Variants in NAV2 observed in about 807,000 individuals in gnomAD.
NAV2 encodes neuron navigator 2, also known as helicase, APC down-regulated 1.
A neutral mutation model predicts 223.2 loss-of-function variants in NAV2; 54 were observed. The observed-to-expected ratio is 0.24, with a 90% CI of 0.19 to 0.30. The LOEUF is 0.30. NAV2 is among the 10% of genes least tolerant of loss of function. NAV2 has a pLI of 1.00. For synonymous variants in NAV2, 1,279 were observed against 1,239.3 expected (o/e 1.03, Z -0.67); for missense variants, 2,806 against 3,147.5 (o/e 0.89, Z 2.60).
chr11:19,439,478 T>C (rs1005405278), intron 1 of NAV2, among the ~76,000 whole-genome samples: 8 of 151,814 alleles, frequency 5.3e-5, no homozygotes, highest in African/African-American at 1.9e-4. Context: ...ATAGGAAGAG[T>C]CATTCATTTT....
intron 3 of NAV2, among the ~76,000 whole-genome samples, chr11:19,855,777 G>C (rs2061380439): frequency 6.6e-6 from 1 of 152,094 alleles, no homozygotes; most frequent in Admixed American, 6.5e-5. Context: ...CAGAGCAAAG[G>C]GCCTTTCATG....
chr11:19,544,150 A>G (rs534356539), intron 1 of NAV2, among the ~76,000 whole-genome samples: 7 of 152,348 alleles, frequency 4.6e-5, no homozygotes, highest in African/African-American at 1.7e-4. Context: ...TGAGTGTATG[A>G]ATGAATATTT....
intron 1 of NAV2, among the ~76,000 whole-genome samples, chr11:19,392,841 C>A (rs11025114): frequency 0.044 from 6,711 of 152,276 alleles, 184 homozygotes; most frequent in South Asian, 0.13. Flanking sequence ...GCTGGGCACA[C>A]AGTTACAAGA....
intron 1 of NAV2, among the ~76,000 whole-genome samples, chr11:19,739,506 G>A (rs575575947): frequency 3.0e-4 from 46 of 152,280 alleles, no homozygotes; most frequent in Admixed American, 2.4e-3. Flanking sequence ...CCTGTTTTCA[G>A]GGTCAGTAGC....
Position 19,840,310 on chromosome 11 carries a change from CACCTG to C in NAV2, c.386-2558_386-2554del, listed in dbSNP as rs200883943. Among the ~76,000 whole-genome samples the C allele has an allele frequency of 1.3e-4, 20 of 152,252 alleles. No individual in the cohort carries two copies. In the East Asian group the frequency reaches 3.9e-3, roughly 29 times the overall value. On this transcript the variant is annotated intron_variant, in intron 2 of 37. Coordinates refer to ENST00000349880, the MANE Select transcript of NAV2 (RefSeq NM_145117.5). Reference sequence around the variant, plus strand: ...AGCCATGATATTTAAATTCAAAGAGCACCTGACTGGGTTTAGGTGACAGACCATGA... The same window carrying C: ...AGCCATGATATTTAAATTCAAAGAGCACTGGGTTTAGGTGACAGACCATGA...
intron 1 of NAV2, among the ~76,000 whole-genome samples, chr11:19,830,469 C>T (rs1292354128): frequency 1.3e-5 from 2 of 152,208 alleles, no homozygotes; most frequent in Non-Finnish European, 2.9e-5. Flanking sequence ...TTCTGCTCTT[C>T]AGTTTTCTCC....
At chr11:19,502,076 G>A (rs934268811) in intron 1 of NAV2, among the ~76,000 whole-genome samples, 1 of 152,162 alleles carries the variant, frequency 6.6e-6, no homozygotes, top group Admixed American at 6.5e-5. Context: ...ACACATAGTG[G>A]CCATGAATTC....
intron 6 of NAV2, among the ~76,000 whole-genome samples, chr11:19,912,876 G>C (rs112933024): frequency 0.01 from 1,599 of 152,320 alleles, 37 homozygotes; most frequent in African/African-American, 0.036. Context: ...GTTACTAAAG[G>C]CAGGATTAAG....
intron 4 of NAV2, among the ~76,000 whole-genome samples, chr11:19,872,887 C>A (rs953652185): frequency 6.6e-6 from 1 of 152,178 alleles, no homozygotes; most frequent in African/African-American, 2.4e-5. Context: ...AGATTGAACC[C>A]ATCTATTTGC....
chr11:19,738,684 G>A (rs1197527432), intron 1 of NAV2, among the ~76,000 whole-genome samples: 2 of 152,192 alleles, frequency 1.3e-5, no homozygotes, highest in Non-Finnish European at 2.9e-5. Flanking sequence ...TCTCTGTCCT[G>A]TAAAGGAAAC....
At chr11:19,573,313 C>T (rs1206104183) in intron 1 of NAV2, among the ~76,000 whole-genome samples, 1 of 152,152 alleles carries the variant, frequency 6.6e-6, no homozygotes, top group African/African-American at 2.4e-5. Flanking sequence ...TTCTTCTTGG[C>T]ACCTTGTCTG....
At chr11:19,796,006 C>A (rs1186176516) in intron 1 of NAV2, among the ~76,000 whole-genome samples, 1 of 152,110 alleles carries the variant, frequency 6.6e-6, no homozygotes, top group Non-Finnish European at 1.5e-5. Flanking sequence ...AGGTAGTGAG[C>A]AGCTCCTAAG....
At chr11:19,987,393 C>T (rs865878903) in intron 11 of NAV2, among the ~76,000 whole-genome samples, 13 of 152,246 alleles carry the variant, frequency 8.5e-5, no homozygotes, top group Middle Eastern at 3.4e-3. Flanking sequence ...AGCAATAGAC[C>T]ACATGAGTTC....
chr11:19,439,397 T>C (rs566988232), intron 1 of NAV2, among the ~76,000 whole-genome samples: 83 of 152,202 alleles, frequency 5.5e-4, no homozygotes, highest in African/African-American at 1.9e-3. Context: ...ACAACAAACC[T>C]CCTGAAATGA....
chr11:19,786,407 C>A (rs2057124605), intron 1 of NAV2, among the ~76,000 whole-genome samples: 3 of 152,214 alleles, frequency 2.0e-5, no homozygotes, highest in Admixed American at 6.5e-5. Context: ...TCCTGGCATA[C>A]ACTAAGTGTT....
intron 11 of NAV2, among the ~76,000 whole-genome samples, chr11:19,999,187 G>T (rs1230268052): frequency 6.6e-6 from 1 of 152,252 alleles, no homozygotes; most frequent in African/African-American, 2.4e-5. Context: ...AGCCACTCAT[G>T]CCTGGCATAA....
chr11:19,614,503 C>A (rs866226203), intron 1 of NAV2, among the ~76,000 whole-genome samples: 2 of 152,204 alleles, frequency 1.3e-5, no homozygotes, highest in African/African-American at 2.4e-5. Context: ...GCCCCTGGCC[C>A]TGCACATATA....
chr11:19,713,857 C>G lies in NAV2; in HGVS notation c.162C>G (p.Ser54Arg). Residue 54 changes from serine (S) to arginine (R), a missense_variant, in exon 1 of 38, where the codon AGC becomes AGG. By Grantham distance (110) the Ser-to-Arg change is moderately radical. Around this residue, in one of 4 missense-constraint regions of NAV2, gnomAD observed 1,167 missense variants for 1,180.5 expected, o/e 0.99. Coordinates refer to ENST00000349880, the MANE Select transcript of NAV2 (RefSeq NM_145117.5). The surrounding 1 kb of genome is among the most constrained non-coding windows in gnomAD (Gnocchi z 7.2). ...AGGTGAGCAAGACCACCTATCCTAG[C>G]CAGATCCCCCTGAAATCGCAGGTGC... ...KVEVSKTTYP[S>R]QIPLKSQVLQ... The G allele has an allele frequency of 1.2e-6, 2 of 1,613,670 alleles. No individual in the cohort carries two copies. The highest frequency in any genetic ancestry group is 2.2e-5 in the South Asian group (2 of 91,080).
intron 1 of NAV2, among the ~76,000 whole-genome samples, chr11:19,694,108 A>G (rs2049260345): frequency 1.3e-5 from 2 of 152,208 alleles, no homozygotes; most frequent in Non-Finnish European, 1.5e-5. Context: ...CCACAGAGGC[A>G]GACGCTAAGA....
Sources: gnomAD v4.1 joint callset for allele counts (sites outside exome capture counted in the v4.1 genomes callset) on GRCh38, gnomAD v4.1.1 for gene constraint, gnomAD v4.1.1 regional missense constraint, Gnocchi (gnomAD v3.1) non-coding constraint, MANE v1.5 for transcripts, NCBI Gene and HGNC (gene_info 2026-07-23, HGNC 2026-07-21) for gene names.